The following ZMYND8 variants were observed in gnomAD, a reference collection of about 807,000 sequenced individuals.
ZMYND8 encodes the protein zinc finger MYND-type containing 8, also known as MYND-type zinc finger-containing chromatin reader ZMYND8.
In ZMYND8, 37 loss-of-function variants were observed where a neutral mutation model predicts 140.8. That is an observed-to-expected ratio of 0.26 (90% CI 0.20 to 0.35). ZMYND8 has a LOEUF of 0.35. Among genes scored for constraint, ZMYND8 ranks in the 10% least tolerant of loss-of-function variants. The pLI is 1.00. For missense variants in ZMYND8, 1,068 were observed against 1,570.0 expected, an observed-to-expected ratio of 0.68 and a Z score of 5.40; for synonymous variants, 592 against 597.1, an observed-to-expected ratio of 0.99 and a Z score of 0.12.
chr20:47,312,939 C>T (rs2079053980), intron 2 of ZMYND8, among the ~76,000 whole-genome samples: 1 of 152,186 alleles, frequency 6.6e-6, no homozygotes. Context: ...ACCCAACAAT[C>T]TCCTCTAGAA....
chr20:47,273,957 TA>T (rs2076108950), intron 11 of ZMYND8, among the ~76,000 whole-genome samples: 1 of 152,204 alleles, frequency 6.6e-6, no homozygotes, highest in East Asian at 1.9e-4. Context: ...TCATGATTAG[TA>T]AAATGACCTA....
At chr20:47,348,896 A>G (rs1331739199) in intron 1 of ZMYND8, 1 of 152,260 alleles carries the variant, frequency 6.6e-6, no homozygotes, top group African/African-American at 2.4e-5. Context: ...CTGAAGTGGT[A>G]AGAAGCTGGG....
At chr20:47,338,298 G>A (rs2081547722) in intron 2 of ZMYND8, among the ~76,000 whole-genome samples, 1 of 152,088 alleles carries the variant, frequency 6.6e-6, no homozygotes, top group African/African-American at 2.4e-5. Context: ...CACCAATGCA[G>A]TGGGAGCAGC....
At chr20:47,271,397 C>T (rs563854141) in intron 11 of ZMYND8, among the ~76,000 whole-genome samples, 1 of 152,348 alleles carries the variant, frequency 6.6e-6, no homozygotes, top group Non-Finnish European at 1.5e-5. Flanking sequence ...GTACCTCTAG[C>T]ATGCACTATG....
intron 12 of ZMYND8, among the ~76,000 whole-genome samples, chr20:47,250,911 C>A (rs1033876614): frequency 3.3e-5 from 5 of 152,150 alleles, no homozygotes; most frequent in Non-Finnish European, 7.4e-5. Context: ...CACCTGTAGT[C>A]CCAGCTACTC....
chr20:47,239,466 G>T (rs2039675221), intron 14 of ZMYND8, among the ~76,000 whole-genome samples: 1 of 152,222 alleles, frequency 6.6e-6, no homozygotes, highest in East Asian at 1.9e-4. Context: ...TGGACAATGC[G>T]GTGGGCGAAC....
intron 2 of ZMYND8, among the ~76,000 whole-genome samples, chr20:47,341,876 G>A (rs1279533553): frequency 3.3e-5 from 5 of 152,082 alleles, no homozygotes; most frequent in Admixed American, 6.5e-5. Context: ...GGTGGCGGGC[G>A]CCTGTAATCC....
chr20:47,209,992 C>CT lies in ZMYND8; in HGVS notation c.*768dup, dbSNP rs2035029472. ...TTTTTCAGAGTTCATGATCCTAAGA[C>CT]TTTCTGTGTTCTCTCCTGTGACTGA... On this transcript the variant is annotated 3_prime_UTR_variant, in exon 23 of 23. Coordinates refer to ENST00000471951, the MANE Select transcript of ZMYND8 (RefSeq NM_001281775.3). 6.6e-6 allele frequency: 1 copy of CT among 152,568 alleles called. No homozygotes were observed. Among genetic ancestry groups the CT allele is most frequent in the South Asian group, 2.1e-4 (1 of 4,828 alleles). 9.5% of individuals were successfully genotyped at this position (152,568 alleles called of 1,614,324 possible).
Position 47,347,834 on chromosome 20 carries a change from A to G in ZMYND8, c.85+22T>C, listed in dbSNP as rs747449739. The G allele has an allele frequency of 3.7e-6, 6 of 1,611,556 alleles. No homozygotes were observed. In the South Asian group the frequency reaches 5.5e-5, roughly 15 times the overall value. Reference sequence around the variant, plus strand: ...AATTTCCTCCTTAGCTCTAGAATAGATAATACAAGATTTTTACTCACCTTT... The same window carrying G: ...AATTTCCTCCTTAGCTCTAGAATAGGTAATACAAGATTTTTACTCACCTTT... On this transcript the variant is annotated intron_variant, in intron 2 of 22. Coordinates refer to ENST00000471951, the MANE Select transcript of ZMYND8 (RefSeq NM_001281775.3).
At chr20:47,294,967 G>A (rs41387447) in intron 4 of ZMYND8, among the ~76,000 whole-genome samples, 188 bp from the exon 5 acceptor site, 3,499 of 152,302 alleles carry the variant, frequency 0.023, 51 homozygotes, top group East Asian at 0.058. Context: ...ATTAAAAAGC[G>A]TATCAATCTA....
intron 2 of ZMYND8, among the ~76,000 whole-genome samples, chr20:47,326,956 C>G (rs2148410749): frequency 6.6e-6 from 1 of 152,258 alleles, no homozygotes; most frequent in South Asian, 2.1e-4. Flanking sequence ...GAAATAGCAA[C>G]CTGGTTTGAA....
At chr20:47,290,832 C>A (rs2077219479) in intron 6 of ZMYND8, among the ~76,000 whole-genome samples, 1 of 151,916 alleles carries the variant, frequency 6.6e-6, no homozygotes, top group South Asian at 2.1e-4. Context: ...CTCAGATGAT[C>A]CGCCCGCCTC....
At chr20:47,352,296 G>T (rs1215431795) in intron 1 of ZMYND8, among the ~76,000 whole-genome samples, 1 of 152,156 alleles carries the variant, frequency 6.6e-6, no homozygotes, top group Admixed American at 6.5e-5. Context: ...AAGCTAAAGG[G>T]CTGCACCTCA....
chr20:47,271,285 G>A (rs1164731410), intron 11 of ZMYND8, among the ~76,000 whole-genome samples: 1 of 152,140 alleles, frequency 6.6e-6, no homozygotes, highest in South Asian at 2.1e-4. Context: ...AAGAGCTACT[G>A]ACTCTTCTGA....
intron 10 of ZMYND8, among the ~76,000 whole-genome samples, chr20:47,278,542 G>C: frequency 6.6e-6 from 1 of 151,886 alleles, no homozygotes; most frequent in Non-Finnish European, 1.5e-5. Context: ...TGGCATCTAA[G>C]AGAAAACAAC....
intron 15 of ZMYND8, chr20:47,237,550 T>C (rs988447976): frequency 6.6e-6 from 1 of 152,150 alleles, no homozygotes; most frequent in Admixed American, 6.6e-5. Context: ...CAATCTCAAA[T>C]ATCCTAGACT....
intron 16 of ZMYND8, 64 bp downstream of exon 16, chr20:47,236,262 G>T: frequency 6.2e-7 from 1 of 1,603,734 alleles, no homozygotes; most frequent in Non-Finnish European, 8.5e-7. Flanking sequence ...CCCCTCGGGA[G>T]ACCAAGATTC....
At chr20:47,303,862 C>T (rs1214688762) in intron 3 of ZMYND8, among the ~76,000 whole-genome samples, 1 of 152,174 alleles carries the variant, frequency 6.6e-6, no homozygotes, top group Non-Finnish European at 1.5e-5. Flanking sequence ...GCTGGCTGCC[C>T]CTAGGAGGAT....
At chr20:47,257,671 TACATACATATACCATATACAC>T (rs2074851788) in intron 12 of ZMYND8, among the ~76,000 whole-genome samples, 1 of 152,100 alleles carries the variant, frequency 6.6e-6, no homozygotes, top group African/African-American at 2.4e-5. Flanking sequence ...ATACCCAATA[TACATACATATACCATATACAC>T]ACATACATAT....
Sources: gnomAD v4.1 joint callset for allele counts (sites outside exome capture counted in the v4.1 genomes callset) on GRCh38, gnomAD v4.1.1 for gene constraint, MANE v1.5 for transcripts, NCBI Gene and HGNC (gene_info 2026-07-23, HGNC 2026-07-21) for gene names.